The following COL2A1 variants were observed in gnomAD, a reference collection of about 807,000 sequenced individuals.
COL2A1 encodes the protein collagen alpha-1(II) chain.
COL2A1 carries 28 observed loss-of-function variants against 204.5 expected under a neutral mutation model. That is an observed-to-expected ratio of 0.14 (90% CI 0.10 to 0.19). The LOEUF (loss-of-function observed/expected upper bound fraction) is 0.19, where lower values mean the gene tolerates loss of function less well. Ranked by LOEUF, COL2A1 falls within the 10% of genes least tolerant of loss-of-function variation. The probability of loss-of-function intolerance (pLI) is 1.00; values close to 1 mark genes in which losing one functional copy is unlikely to be tolerated. For missense variants in COL2A1, 1,388 were observed against 2,027.5 expected (o/e 0.68, Z 6.06); for synonymous variants, 708 against 718.7 (o/e 0.99, Z 0.24).
At chr12:47,981,976 G>T in intron 35 of COL2A1, 131 bp downstream of exon 35, 1 of 1,277,266 alleles carries the variant, frequency 7.8e-7, no homozygotes, top group Non-Finnish European at 1.1e-6. Flanking sequence ...AGAAGTCCCT[G>T]CAGTTGCCCA....
At chr12:47,995,453 A>G in intron 10 of COL2A1, 145 bp from the exon 11 acceptor site, 1 of 841,848 alleles carries the variant, frequency 1.2e-6, no homozygotes, top group Non-Finnish European at 2.1e-6. Context: ...TGCAGAGATC[A>G]TAGTGGGACG....
chr12:47,996,536 G>C lies in COL2A1; in HGVS notation c.609+12C>G. The C allele has an allele frequency of 6.2e-7, 1 of 1,612,414 alleles. No homozygotes were observed. The highest frequency in any genetic ancestry group is 8.5e-7 in the Non-Finnish European group (1 of 1,178,386). ...GCCATTTTGGCTGCAAAGAACTAGT[G>C]TCTTTTCTTACCATTGGTCCTTGCA... On this transcript the variant is annotated intron_variant, in intron 8 of 53. Coordinates refer to ENST00000380518, the MANE Select transcript of COL2A1 (RefSeq NM_001844.5).
upstream of COL2A1, chr12:48,005,170 T>C (rs1940420579): frequency 1.3e-5 from 2 of 152,578 alleles, no homozygotes; most frequent in Admixed American, 6.5e-5. Flanking sequence ...CAGGCCGAAG[T>C]TGGCCTGAGC....
In COL2A1 at chr12:47,983,081, C is replaced by G. The variant is rs17122510; in HGVS notation, c.2094+12G>C. 13,190 of 1,613,882 alleles carry G rather than the reference C, an allele frequency of 8.2e-3. 932 individuals are homozygous for G. In the African/African-American group the frequency reaches 0.15, roughly 19 times the overall value. On this transcript the variant is annotated intron_variant, in intron 32 of 53. Coordinates refer to ENST00000380518, the MANE Select transcript of COL2A1 (RefSeq NM_001844.5). ...CAAGGAGGCAGCCCGCATTGGCCAA[C>G]AGGATACTCACCCTGGGACCCACGA...
Position 47,981,344 on chromosome 12 carries a change from G to A in COL2A1, c.2462C>T (p.Pro821Leu), listed in dbSNP as rs201963052. Residue 821 changes from proline (P) to leucine (L), a missense_variant and splice_region_variant, in exon 37 of 54, where the codon CCG becomes CTG. Pro to Leu is a moderately conservative substitution (Grantham distance 98). Around this residue, in one of 3 missense-constraint regions of COL2A1, gnomAD observed 884 missense variants for 1,415.8 expected, o/e 0.62. Coordinates refer to ENST00000380518, the MANE Select transcript of COL2A1 (RefSeq NM_001844.5). ...AGGCTCAGAGGGGCAGACACTCACC[G>A]GAGCGCCACGAGCACCAGCACTTCC... ...PAGSAGARGA[P>L]GERGETGPPG... 1.7e-5 allele frequency: 28 copies of A among 1,612,540 alleles called. No homozygotes were observed. The highest frequency in any genetic ancestry group is 2.2e-5 in the South Asian group (2 of 90,702).
chr12:47,981,268 G>C (rs1939065082), intron 37 of COL2A1, 75 bp downstream of exon 37: 1 of 1,486,544 alleles, frequency 6.7e-7, no homozygotes, highest in East Asian at 2.3e-5. Context: ...CAGCATGAGG[G>C]CCTGCACTGA....
chr12:47,980,532 C>A lies in COL2A1; in HGVS notation c.2625+22G>T. On this transcript the variant is annotated intron_variant, in intron 39 of 53. Coordinates refer to ENST00000380518, the MANE Select transcript of COL2A1 (RefSeq NM_001844.5). This position sits in a 1 kb window ranked among gnomAD's most constrained non-coding sequence, Gnocchi z 4.5. ...GGAGCCCTTCCTTGAGGGAACAATT[C>A]TTGGAGTGCAGCGTTACCCACCTGA... The A allele has an allele frequency of 1.3e-6, 2 of 1,575,476 alleles. No homozygotes were observed. Among genetic ancestry groups the A allele is most frequent in the Non-Finnish European group, 1.7e-6 (2 of 1,156,950 alleles).
intron 26 of COL2A1, among the ~76,000 whole-genome samples, 174 bp from the exon 27 acceptor site, chr12:47,985,267 G>A (rs1939330067): frequency 6.6e-6 from 1 of 152,154 alleles, no homozygotes; most frequent in Non-Finnish European, 1.5e-5. Flanking sequence ...ACACCGCTGA[G>A]CTTAGAAAGC....
Position 47,984,606 on chromosome 12 carries a change from G to A in COL2A1, c.1834-7C>T, listed in dbSNP as rs1159146587. Reference sequence around the variant, plus strand: ...CAGCTTTGCCAGGCTCACCCTGAAGGAAAGAGAGGGCAGGGCCATGAGGCG... The same window carrying A: ...CAGCTTTGCCAGGCTCACCCTGAAGAAAAGAGAGGGCAGGGCCATGAGGCG... On this transcript the variant is annotated splice_polypyrimidine_tract_variant and splice_region_variant and intron_variant, in intron 27 of 53. Coordinates refer to ENST00000380518, the MANE Select transcript of COL2A1 (RefSeq NM_001844.5). 6.2e-7 allele frequency: 1 copy of A among 1,614,096 alleles called. No homozygotes were observed. Among genetic ancestry groups the A allele is most frequent in the Admixed American group, 1.7e-5 (1 of 60,036 alleles).
intron 52 of COL2A1, 59 bp from the exon 53 acceptor site, chr12:47,974,390 G>A: frequency 6.3e-7 from 1 of 1,598,508 alleles, no homozygotes; most frequent in Non-Finnish European, 8.5e-7. Context: ...TGGGACCAGG[G>A]GCTGTAGGGG....
chr12:47,983,101 C>T lies in COL2A1; in HGVS notation c.2086G>A (p.Gly696Ser). Residue 696 changes from glycine to serine, a missense_variant, in exon 32 of 54, where the codon GGT becomes AGT. Physicochemically the swap from Gly to Ser is moderately conservative, Grantham distance 56. Around this residue, in one of 3 missense-constraint regions of COL2A1, gnomAD observed 884 missense variants for 1,415.8 expected, o/e 0.62. Transcript: ENST00000380518. ...GCCAACAGGATACTCACCCTGGGAC[C>T]CACGAGGCCAGGGGCTCCAGCTTCA... ...PGEAGAPGLVGPRGERGFPGE... is the reference protein window; with the variant it reads ...PGEAGAPGLVSPRGERGFPGE... 1 of 1,613,912 alleles carries T rather than the reference C, an allele frequency of 6.2e-7. No individual in the cohort carries two copies. Among genetic ancestry groups the T allele is most frequent in the South Asian group, 1.1e-5 (1 of 91,034 alleles).
At chr12:47,993,754 G>A (rs749646422) in intron 14 of COL2A1, 55 bp downstream of exon 14, 12 of 1,583,192 alleles carry the variant, frequency 7.6e-6, no homozygotes, top group Non-Finnish European at 7.8e-6. Flanking sequence ...GCTAGGAAGA[G>A]GGGCTCCTCA....
At chr12:47,982,231 AGGCTGGG>A in intron 34 of COL2A1, 71 bp from the exon 35 acceptor site, 1 of 1,391,696 alleles carries the variant, frequency 7.2e-7, no homozygotes, top group Non-Finnish European at 1.0e-6. Context: ...AGTCCCACCC[AGGCTGGG>A]GTGCTAGGGA....
At chr12:47,992,801 C>A in intron 16 of COL2A1, 77 bp downstream of exon 16, 1 of 1,496,640 alleles carries the variant, frequency 6.7e-7, no homozygotes, top group Non-Finnish European at 9.3e-7. Flanking sequence ...AGGGTTGTTT[C>A]GAGGGTCAAG....
rs542130626 is a variant in COL2A1 at position 47,993,696 on chromosome 12, A to C, written c.924+113T>G. On this transcript the variant is annotated intron_variant, in intron 14 of 53. Coordinates refer to ENST00000380518, the MANE Select transcript of COL2A1 (RefSeq NM_001844.5). The stretch of plus-strand genomic sequence containing the variant: ...GATGTAGGGCTGGTGTTCCCAGCCA[A>C]GGCTGTTCTGAGGAGCTAGTTCCAC... 2,842 of 1,312,984 alleles carry C rather than the reference A, an allele frequency of 2.2e-3. 8 individuals carry two copies. The highest frequency in any genetic ancestry group is 2.6e-3 in the Non-Finnish European group (2,391 of 911,106). The allele number at this position is 1,312,984 out of a possible 1,614,324, so 81.3% of individuals were successfully genotyped here.
In COL2A1 at chr12:47,980,593, G is replaced by T; in HGVS notation, c.2586C>A (p.Ala862=). The T allele has an allele frequency of 6.2e-7, 1 of 1,612,680 alleles. No individual in the cohort carries two copies. The highest frequency in any genetic ancestry group is 8.5e-7 in the Non-Finnish European group (1 of 1,179,598). ...CTCCAGAGGGGCCCTGAGGACCAGG[G>T]GCACCAGCATCGCCTTTCTGGCCGG... ...GEAGQKGDAG[A]PGPQGPSGAP... is the part of the protein sequence containing the mutation. The change falls in exon 39 of 54, where the codon GCC becomes GCA. Residue 862 remains alanine, a synonymous_variant. Coordinates refer to ENST00000380518, the MANE Select transcript of COL2A1 (RefSeq NM_001844.5). The surrounding 1 kb of genome is among the most constrained non-coding windows in gnomAD (Gnocchi z 4.5).
chr12:47,985,210 G>A (rs1388780387), intron 26 of COL2A1, 117 bp from the exon 27 acceptor site: 1 of 825,930 alleles, frequency 1.2e-6, no homozygotes, highest in East Asian at 2.6e-5. Flanking sequence ...CACATGCTCA[G>A]CATCTAGGAT....
At chr12:47,989,087 G>C in intron 18 of COL2A1, 141 bp downstream of exon 18, 1 of 732,088 alleles carries the variant, frequency 1.4e-6, no homozygotes, top group Non-Finnish European at 2.4e-6. Flanking sequence ...TGCCTGGATG[G>C]AGGGGCCAGT....
chr12:47,988,866 G>A (rs1352563688), intron 18 of COL2A1, among the ~76,000 whole-genome samples: 1 of 152,250 alleles, frequency 6.6e-6, no homozygotes, highest in Non-Finnish European at 1.5e-5. Context: ...GCCCGTCAGG[G>A]CCCCGAGCTT....
Sources: gnomAD v4.1 joint callset for allele counts (sites outside exome capture counted in the v4.1 genomes callset) on GRCh38, gnomAD v4.1.1 for gene constraint, gnomAD v4.1.1 regional missense constraint, Gnocchi (gnomAD v3.1) non-coding constraint, MANE v1.5 for transcripts, NCBI Gene and HGNC (gene_info 2026-07-23, HGNC 2026-07-21) for gene names.